CCDC148: variants seen among roughly 807,000 people sequenced by gnomAD.
CCDC148 encodes the protein coiled-coil domain-containing protein 148.
Under a neutral mutation model 85.7 loss-of-function variants are expected in CCDC148, and 89 were observed. The observed-to-expected ratio is 1.04, with a 90% CI of 0.87 to 1.24. The LOEUF (loss-of-function observed/expected upper bound fraction) is 1.24. CCDC148 is among the 50% of genes most tolerant of loss of function. The pLI, the probability that CCDC148 is intolerant of heterozygous loss-of-function variation, is 0.00. For synonymous variants in CCDC148, 230 were observed against 213.9 expected (o/e 1.08, Z -0.66); for missense variants, 692 against 671.7 (o/e 1.03, Z -0.33).
chr2:158,406,613 C>CTTTTTTTTTCTGTTTTTTTTTTTTGTT (rs1559124447), intron 1 of CCDC148, among the ~76,000 whole-genome samples: 6 of 31,462 alleles, frequency 1.9e-4, no homozygotes, highest in East Asian at 1.4e-3. Flanking sequence ...GATTAAATTT[C>CTTTTTTTTTCTGTTTTTTTTTTTTGTT]TTTTTTTTTT....
intron 3 of CCDC148, among the ~76,000 whole-genome samples, chr2:158,341,405 C>T (rs535903965): frequency 6.6e-6 from 1 of 151,120 alleles, no homozygotes; most frequent in African/African-American, 2.4e-5. Context: ...CTCCTGAGTT[C>T]AAGTGATCCT....
intron 1 of CCDC148, among the ~76,000 whole-genome samples, chr2:158,420,504 G>T (rs546021296): frequency 2.2e-3 from 337 of 152,042 alleles, no homozygotes; most frequent in Non-Finnish European, 3.8e-3. Flanking sequence ...ATAAATGAAG[G>T]AGAAATAAAA....
intron 1 of CCDC148, among the ~76,000 whole-genome samples, chr2:158,360,296 C>T (rs1391685631): frequency 6.6e-6 from 1 of 152,306 alleles, no homozygotes; most frequent in Non-Finnish European, 1.5e-5. Flanking sequence ...TGCAGCGGAT[C>T]TCCAAGCATA....
intron 1 of CCDC148, among the ~76,000 whole-genome samples, chr2:158,399,526 C>T (rs1425606604): frequency 6.6e-6 from 1 of 152,112 alleles, no homozygotes; most frequent in Non-Finnish European, 1.5e-5. Flanking sequence ...CGACAAAAAA[C>T]ACATGATTAT....
At chr2:158,258,204 G>A (rs1011648803) in intron 9 of CCDC148, among the ~76,000 whole-genome samples, 3 of 151,858 alleles carry the variant, frequency 2.0e-5, no homozygotes, top group African/African-American at 4.8e-5. Flanking sequence ...TCCATTCTGT[G>A]TGTGTTCATT....
chr2:158,382,230 T>C (rs941405790), intron 1 of CCDC148, among the ~76,000 whole-genome samples: 1 of 152,166 alleles, frequency 6.6e-6, no homozygotes, highest in African/African-American at 2.4e-5. Context: ...CTGAAGTTTA[T>C]TAATTACCTA....
At chr2:158,437,237 C>T (rs184539343) in intron 1 of CCDC148, among the ~76,000 whole-genome samples, 26,937 of 151,916 alleles carry the variant, frequency 0.18, 3,108 homozygotes, top group Middle Eastern at 0.26. Flanking sequence ...AATAAAATAC[C>T]GGTAAACCGA....
intron 7 of CCDC148, among the ~76,000 whole-genome samples, chr2:158,322,105 G>A (rs570184632): frequency 3.3e-5 from 5 of 152,228 alleles, no homozygotes; most frequent in African/African-American, 1.2e-4. Flanking sequence ...GCTACCAAAA[G>A]TCTTAGAATT....
intron 2 of CCDC148, 142 bp from the exon 3 acceptor site, chr2:158,345,460 T>A: frequency 1.9e-6 from 1 of 534,122 alleles, no homozygotes; most frequent in Non-Finnish European, 3.2e-6. Flanking sequence ...ACACAAAATC[T>A]ACCTAAAATA....
At chr2:158,291,841 A>G (rs1212137433) in intron 9 of CCDC148, among the ~76,000 whole-genome samples, 1 of 152,250 alleles carries the variant, frequency 6.6e-6, no homozygotes, top group East Asian at 1.9e-4. Flanking sequence ...AAATTACACC[A>G]TATAAAAGAA....
intron 1 of CCDC148, among the ~76,000 whole-genome samples, chr2:158,441,325 C>A (rs1441039821): frequency 1.3e-5 from 2 of 151,884 alleles, no homozygotes; most frequent in Non-Finnish European, 2.9e-5. Flanking sequence ...AACTATGAAA[C>A]CCTAAATGAA....
rs112968291 is a variant in CCDC148, at chr2:158,356,953, A to C, written c.147+1496T>G. 4.6e-3 allele frequency among the ~76,000 whole-genome samples: 676 copies of C among 148,526 alleles called. 4 individuals carry two copies. Among genetic ancestry groups the C allele is most frequent in the African/African-American group, 0.016 (630 of 39,868 alleles). On this transcript the variant is annotated intron_variant, in intron 2 of 13. Coordinates refer to ENST00000283233, the MANE Select transcript of CCDC148 (RefSeq NM_138803.4). ...GTAGGGACATGGATGAAATTGGAAA[A>C]CATCATTCTCAGTAAACTATCGCAA...
intron 1 of CCDC148, among the ~76,000 whole-genome samples, chr2:158,393,538 A>T (rs1685404287): frequency 6.6e-6 from 1 of 152,150 alleles, no homozygotes. Flanking sequence ...GATATGTTTG[A>T]AGTAGTACAA....
intron 10 of CCDC148, among the ~76,000 whole-genome samples, chr2:158,232,491 T>C (rs1044571051): frequency 6.6e-6 from 1 of 152,178 alleles, no homozygotes; most frequent in African/African-American, 2.4e-5. Flanking sequence ...ACCAATATTA[T>C]ACAACCATTA....
intron 11 of CCDC148, among the ~76,000 whole-genome samples, chr2:158,179,279 C>T (rs1290568781): frequency 6.8e-6 from 1 of 145,990 alleles, no homozygotes; most frequent in East Asian, 2.0e-4. Flanking sequence ...CTGTCTCAGC[C>T]TCCCGAGTAG....
At chr2:158,373,482 C>T (rs913893727) in intron 1 of CCDC148, among the ~76,000 whole-genome samples, 3 of 152,028 alleles carry the variant, frequency 2.0e-5, no homozygotes, top group South Asian at 2.1e-4. Flanking sequence ...GAAGGCCTTT[C>T]TGTGCTGTTG....
intron 1 of CCDC148, among the ~76,000 whole-genome samples, chr2:158,438,284 C>T (rs561682426): frequency 2.0e-5 from 3 of 152,194 alleles, no homozygotes; most frequent in African/African-American, 4.8e-5. Context: ...GAGATATAGA[C>T]CAATGGAACA....
chr2:158,225,784 T>A (rs1318108280), intron 10 of CCDC148, among the ~76,000 whole-genome samples: 1 of 152,080 alleles, frequency 6.6e-6, no homozygotes, highest in Non-Finnish European at 1.5e-5. Context: ...CATACCAGAA[T>A]CTCTGGGACA....
At chr2:158,268,101 GATAA>G (rs1689549598) in intron 9 of CCDC148, among the ~76,000 whole-genome samples, 1 of 152,088 alleles carries the variant, frequency 6.6e-6, no homozygotes, top group African/African-American at 2.4e-5. Flanking sequence ...ATTTCATTTG[GATAA>G]ATAATCAGTA....
Sources: allele counts gnomAD v4.1 joint callset (sites outside exome capture counted in the v4.1 genomes callset), GRCh38; gene constraint gnomAD v4.1.1; transcripts MANE v1.5; gene names NCBI Gene and HGNC (gene_info 2026-07-23, HGNC 2026-07-21).